The following KLHL14 variants were observed in gnomAD, a reference collection of about 807,000 sequenced individuals.
KLHL14 encodes the protein kelch like family member 14.
In KLHL14, 22 loss-of-function variants were observed where a neutral mutation model predicts 64.3. The ratio of observed to expected loss-of-function variants is 0.34; its 90% CI spans 0.24 to 0.49. KLHL14 has a LOEUF of 0.49. Among genes scored for constraint, KLHL14 ranks in the 20% least tolerant of loss-of-function variants. KLHL14 has a pLI of 0.99. For missense variants in KLHL14, 661 were observed against 789.0 expected, an observed-to-expected ratio of 0.84 and a Z score of 1.94; for synonymous variants, 322 against 333.4, an observed-to-expected ratio of 0.97 and a Z score of 0.37.
intron 2 of KLHL14, among the ~76,000 whole-genome samples, chr18:32,749,155 C>T (rs551227265): frequency 6.9e-4 from 105 of 152,278 alleles, no homozygotes; most frequent in African/African-American, 2.4e-3. Context: ...GATACTAAAT[C>T]ATTGGGATTT....
intron 4 of KLHL14, among the ~76,000 whole-genome samples, chr18:32,693,433 G>C (rs901330336): frequency 6.6e-6 from 1 of 151,106 alleles, no homozygotes; most frequent in Non-Finnish European, 1.5e-5. Context: ...GAGAGAGAGA[G>C]AGAGAGAGAG....
At chr18:32,754,600 A>C (rs1268452469) in intron 2 of KLHL14, among the ~76,000 whole-genome samples, 1 of 152,188 alleles carries the variant, frequency 6.6e-6, no homozygotes, top group Non-Finnish European at 1.5e-5. Context: ...CAGCCTCCCG[A>C]TCCAAAGTCC....
chr18:32,678,481 C>T (rs932299485), intron 7 of KLHL14, among the ~76,000 whole-genome samples: 1 of 152,136 alleles, frequency 6.6e-6, no homozygotes, highest in Non-Finnish European at 1.5e-5. Flanking sequence ...ACAATGTACT[C>T]ACTGCAACAC....
At chr18:32,739,871 T>A (rs1043880054) in intron 3 of KLHL14, among the ~76,000 whole-genome samples, 1 of 152,204 alleles carries the variant, frequency 6.6e-6, no homozygotes, top group African/African-American at 2.4e-5. Flanking sequence ...ATTGATTGAC[T>A]GATGCCTCTA....
At chr18:32,685,637 ATTATTTC>A (rs2049873418) in intron 5 of KLHL14, among the ~76,000 whole-genome samples, 2 of 152,186 alleles carry the variant, frequency 1.3e-5, no homozygotes, top group Non-Finnish European at 2.9e-5. Flanking sequence ...TTGACTTAGA[ATTATTTC>A]CTCAGGTACC....
At chr18:32,704,565 A>T (rs2049981094) in intron 3 of KLHL14, among the ~76,000 whole-genome samples, 1 of 152,184 alleles carries the variant, frequency 6.6e-6, no homozygotes, top group African/African-American at 2.4e-5. Context: ...TCTACTAAAA[A>T]TACAAAATTA....
At chr18:32,682,726 AG>A (rs1430272862) in intron 5 of KLHL14, among the ~76,000 whole-genome samples, 12 of 152,232 alleles carry the variant, frequency 7.9e-5, no homozygotes, top group Non-Finnish European at 1.6e-4. Context: ...TGAATATGAT[AG>A]GTCAAAGTTA....
chr18:32,752,955 T>TTGTG (rs71177874), intron 2 of KLHL14, among the ~76,000 whole-genome samples: 27,437 of 142,022 alleles, frequency 0.19, 2,961 homozygotes, highest in East Asian at 0.3. Flanking sequence ...AGCATCATAT[T>TTGTG]TGTGTGTGTG....
chr18:32,747,201 C>T (rs986004325), intron 2 of KLHL14, among the ~76,000 whole-genome samples: 13 of 152,148 alleles, frequency 8.5e-5, no homozygotes, highest in African/African-American at 3.1e-4. Flanking sequence ...CAGTGGTCCT[C>T]AACCTTTTTG....
intron 4 of KLHL14, among the ~76,000 whole-genome samples, chr18:32,691,390 C>T (rs1259290386): frequency 6.6e-6 from 1 of 151,954 alleles, no homozygotes; most frequent in Non-Finnish European, 1.5e-5. Context: ...GTCAATGATG[C>T]CAAAGAGTCT....
chr18:32,747,821 G>C (rs1434047005), intron 2 of KLHL14, among the ~76,000 whole-genome samples: 1 of 152,162 alleles, frequency 6.6e-6, no homozygotes, highest in Non-Finnish European at 1.5e-5. Context: ...AAAAAAACAA[G>C]TGTTTTCAAG....
chr18:32,734,316 G>T (rs2050152211), intron 3 of KLHL14: 12 of 691,894 alleles, frequency 1.7e-5, no homozygotes, highest in South Asian at 1.7e-4. Context: ...TCTCCCTGCT[G>T]CATCCATGAT....
chr18:32,716,964 A>C (rs12957691), intron 3 of KLHL14, among the ~76,000 whole-genome samples: 43,784 of 151,952 alleles, frequency 0.29, 6,516 homozygotes, highest in Middle Eastern at 0.35. Flanking sequence ...AGATGTCTAG[A>C]CTGGGCCTAT....
In KLHL14 at chr18:32,769,822, G is replaced by A. The variant is rs745512212; in HGVS notation, c.770C>T (p.Ala257Val). 35 of 1,613,594 alleles carry A rather than the reference G, an allele frequency of 2.2e-5. No individual in the cohort carries two copies. Among genetic ancestry groups the A allele is most frequent in the Non-Finnish European group, 3.0e-5 (35 of 1,179,902 alleles). ...EHDRETRMQY[A>V]PDLMKRLRFA... Reference sequence around the variant, plus strand: ...GCGGAGGCGCTTCATGAGGTCAGGCGCATACTGCATGCGGGTCTCGCGGTC... The same window carrying A: ...GCGGAGGCGCTTCATGAGGTCAGGCACATACTGCATGCGGGTCTCGCGGTC... The change falls in exon 2 of 9, where the codon GCG becomes GTG. Residue 257 changes from alanine (A) to valine (V), a missense_variant. By Grantham distance (64) the Ala-to-Val change is moderately conservative (BLOSUM62 0). This residue lies in a region of KLHL14 where 331 missense variants were observed against 339.0 expected (regional missense o/e 0.98). Coordinates refer to ENST00000359358, the MANE Select transcript of KLHL14 (RefSeq NM_020805.3).
At chr18:32,699,718 T>C (rs763778542) in intron 3 of KLHL14, among the ~76,000 whole-genome samples, 27 of 152,138 alleles carry the variant, frequency 1.8e-4, no homozygotes, top group Non-Finnish European at 2.1e-4. Flanking sequence ...TTGTGTATAA[T>C]TTTTTATATT....
At chr18:32,768,123 A>G (rs968171134) in intron 2 of KLHL14, among the ~76,000 whole-genome samples, 1 of 152,086 alleles carries the variant, frequency 6.6e-6, no homozygotes, top group African/African-American at 2.4e-5. Flanking sequence ...TTTTTTCCTC[A>G]TTGGCCTCTT....
chr18:32,685,599 G>T (rs932387975), intron 5 of KLHL14, among the ~76,000 whole-genome samples: 1 of 152,104 alleles, frequency 6.6e-6, no homozygotes, highest in Non-Finnish European at 1.5e-5. Flanking sequence ...AGGAAGCTTC[G>T]GATTCATTAA....
intron 3 of KLHL14, among the ~76,000 whole-genome samples, chr18:32,696,986 C>A (rs2049939979): frequency 6.6e-6 from 1 of 152,140 alleles, no homozygotes; most frequent in African/African-American, 2.4e-5. Context: ...GAACTTACAT[C>A]CACAAGGCGG....
At chr18:32,706,591 A>G (rs2049991693) in intron 3 of KLHL14, among the ~76,000 whole-genome samples, 3 of 152,196 alleles carry the variant, frequency 2.0e-5, no homozygotes, top group Admixed American at 1.3e-4. Context: ...CAATCTAAAG[A>G]TACATACCGG....
Sources: gnomAD v4.1 joint callset for allele counts (sites outside exome capture counted in the v4.1 genomes callset) on GRCh38, gnomAD v4.1.1 for gene constraint, gnomAD v4.1.1 regional missense constraint, MANE v1.5 for transcripts, NCBI Gene and HGNC (gene_info 2026-07-23, HGNC 2026-07-21) for gene names.